MUC17: variants seen among roughly 807,000 people sequenced by gnomAD.
MUC17 encodes the protein mucin 17, cell surface associated.
MUC17 carries 190 observed loss-of-function variants against 170.3 expected under a neutral mutation model. The observed-to-expected ratio is 1.12, with a 90% CI of 0.99 to 1.26. The LOEUF (loss-of-function observed/expected upper bound fraction) is 1.26. Ranked by LOEUF, MUC17 falls within the 50% of genes most tolerant of loss-of-function variation. The pLI, the probability that MUC17 is intolerant of heterozygous loss-of-function variation, is 0.00. For missense variants in MUC17, 6,415 were observed against 5,530.0 expected (o/e 1.16, Z -5.08); for synonymous variants, 2,325 against 2,002.5 (o/e 1.16, Z -4.30).
At position 101,041,290 on chromosome 7, in the gene MUC17, A is replaced by C. The variant is rs148464170; in HGVS notation, c.9874A>C (p.Thr3292Pro). Residue 3292 changes from threonine (T) to proline (P), a missense_variant, in exon 3 of 13, where the codon ACG becomes CCG. Thr to Pro is a conservative substitution (Grantham distance 38). Transcript: ENST00000306151. ...PLTSMPVSTT[T>P]VASSETSTLS... ...AACAAGTATGCCTGTCAGCACCACA[A>C]CGGTGGCCAGTTCTGAAACGAGCAC... 1.1e-3 allele frequency: 1,657 copies of C among 1,568,868 alleles called. 5 individuals are homozygous for C. In the African/African-American group the frequency reaches 0.02, roughly 19 times the overall value.
intron 1 of MUC17, among the ~76,000 whole-genome samples, chr7:101,024,459 A>G (rs1012287720): frequency 4.6e-5 from 7 of 151,838 alleles, no homozygotes; most frequent in African/African-American, 1.7e-4. Context: ...CAAGGGAGGA[A>G]ACAAGTGAGG....
intron 1 of MUC17, among the ~76,000 whole-genome samples, chr7:101,029,437 T>C (rs1794238593): frequency 6.6e-6 from 1 of 152,146 alleles, no homozygotes; most frequent in South Asian, 2.1e-4. Flanking sequence ...TTCTTATGTC[T>C]GTGTCCATTC....
rs1794975528 is a variant in MUC17 at position 101,052,927 on chromosome 7, C to T, written c.13104-59C>T. ...AACACCCACTGGGCAGGGCCCAGGT[C>T]TGAAGCTGGTGCTGACTCCGTTCTC... is the stretch of plus-strand genomic sequence containing the variant. On this transcript the variant is annotated intron_variant, in intron 9 of 12. Coordinates refer to ENST00000306151, the MANE Select transcript of MUC17 (RefSeq NM_001040105.2). The T allele has an allele frequency of 2.5e-6, 4 of 1,571,494 alleles. No individual in the cohort carries two copies. In the African/African-American group the frequency reaches 5.4e-5, roughly 21 times the overall value.
At chr7:101,050,143 C>G (rs939491473) in intron 6 of MUC17, among the ~76,000 whole-genome samples, 1 of 152,118 alleles carries the variant, frequency 6.6e-6, no homozygotes, top group African/African-American at 2.4e-5. Flanking sequence ...ACAAAAAACC[C>G]AAAAACCTCA....
chr7:101,035,537 C>G lies in MUC17; in HGVS notation c.4121C>G (p.Ala1374Gly), dbSNP rs978847737. The G allele has an allele frequency of 6.3e-7, 1 of 1,596,144 alleles. No individual in the cohort carries two copies. Among genetic ancestry groups the G allele is most frequent in the Non-Finnish European group, 8.6e-7 (1 of 1,169,232 alleles). The change falls in exon 3 of 13, where the codon GCC (alanine) becomes GGC (glycine). Residue 1374 changes from alanine (A) to glycine (G), a missense_variant. Ala to Gly is a moderately conservative substitution (Grantham distance 60). Transcript: ENST00000306151. ...ACACCTGTGACCACTTCTACTGAAG[C>G]CTGTTCATCTCCTACAACTTCTGAA... Reference protein sequence around the residue: ...NSTPVTTSTEACSSPTTSEGT... With the variant: ...NSTPVTTSTEGCSSPTTSEGT...
In MUC17 at chr7:101,040,845, T is replaced by C. The variant is rs751104432; in HGVS notation, c.9429T>C (p.His3143=). 1.9e-6 allele frequency: 3 copies of C among 1,613,592 alleles called. No homozygotes were observed. The highest frequency in any genetic ancestry group is 1.1e-5 in the South Asian group (1 of 91,052). Residue 3143 remains histidine (H), a synonymous_variant, in exon 3 of 13, where the codon CAT becomes CAC. Coordinates refer to ENST00000306151, the MANE Select transcript of MUC17 (RefSeq NM_001040105.2). ...CTGTGACCACTTCTACTGAAGCCCA[T>C]TCATCTCCTACAACTTCTGAAGGTA... ...STPVTTSTEA[H]SSPTTSEGTS... is the part of the protein sequence containing the mutation.
Position 101,034,876 on chromosome 7 carries a change from C to T in MUC17, c.3460C>T (p.Pro1154Ser), listed in dbSNP as rs201691077. The T allele has an allele frequency of 1.2e-5, 20 of 1,609,390 alleles. No individual in the cohort carries two copies. The highest frequency in any genetic ancestry group is 1.6e-5 in the Non-Finnish European group (19 of 1,178,586). ...TGAAGGTACCAGCATACCAACCTCA[C>T]CTCCCAGTGAAGGAACCACTCCGTT... Reference protein sequence around the residue: ...TAEGTSIPTSPPSEGTTPLAS... With the variant: ...TAEGTSIPTSSPSEGTTPLAS... Residue 1154 changes from proline (P) to serine (S), a missense_variant, in exon 3 of 13, where the codon CCT becomes TCT. Coordinates refer to ENST00000306151, the MANE Select transcript of MUC17 (RefSeq NM_001040105.2).
At chr7:101,021,289 G>A (rs1412926608) in intron 1 of MUC17, among the ~76,000 whole-genome samples, 1 of 148,712 alleles carries the variant, frequency 6.7e-6, no homozygotes, top group Admixed American at 6.8e-5. Context: ...GGGTTCAAGC[G>A]ATTCTCCCGC....
chr7:101,035,804 G>T lies in MUC17; in HGVS notation c.4388G>T (p.Ser1463Ile). Residue 1463 changes from serine (S) to isoleucine (I), a missense_variant, in exon 3 of 13, where the codon AGC becomes ATC. Physicochemically the swap from Ser to Ile is moderately radical, Grantham distance 142. Transcript: ENST00000306151. ...ACTCCATTAAAAAGTATACCTGTCA[G>T]CAACACGCCGGTGGCCAATTCTGAG... ...GKTPLKSIPV[S>I]NTPVANSEAS... 1.2e-6 allele frequency: 2 copies of T among 1,604,700 alleles called. No homozygotes were observed. The highest frequency in any genetic ancestry group is 3.4e-5 in the Admixed American group (2 of 59,360).
At position 101,035,849 on chromosome 7, in the gene MUC17, C is replaced by G. The variant is rs752496113; in HGVS notation, c.4433C>G (p.Thr1478Ser). 5.6e-6 allele frequency: 9 copies of G among 1,599,622 alleles called. No individual in the cohort carries two copies. The Middle Eastern group carries it at 1.5e-3, about 268-fold the overall frequency. The change falls in exon 3 of 13, where the codon ACT (threonine) becomes AGT (serine). Residue 1478 changes from threonine (T) to serine (S), a missense_variant. Physicochemically the swap from Thr to Ser is moderately conservative, Grantham distance 58 (BLOSUM62 1). Transcript: ENST00000306151. Reference sequence around the variant, plus strand: ...TCTGAGGCTAGCACCCTTTCAACAACTCCTGTTGACTCTAACAGTCCTGTG... The same window carrying G: ...TCTGAGGCTAGCACCCTTTCAACAAGTCCTGTTGACTCTAACAGTCCTGTG... ...ANSEASTLST[T>S]PVDSNSPVVT... is the part of the protein sequence containing the mutation.
rs779047264 is a variant in MUC17, at chr7:101,042,052, A to G, written c.10636A>G (p.Thr3546Ala). The G allele has an allele frequency of 1.2e-5, 20 of 1,613,636 alleles. No individual in the cohort carries two copies. In the African/African-American group the frequency reaches 2.3e-4, roughly 18 times the overall value. ...TLSTTPVDSNTFVTSSSQASS... is the reference protein window; with the variant it reads ...TLSTTPVDSNAFVTSSSQASS... ...TTCAACAACTCCTGTTGACTCCAAC[A>G]CTTTTGTTACCAGTTCTAGTCAAGC... The change falls in exon 3 of 13, where the codon ACT (threonine) becomes GCT (alanine). Residue 3546 changes from threonine to alanine, a missense_variant. Coordinates refer to ENST00000306151, the MANE Select transcript of MUC17 (RefSeq NM_001040105.2).
At chr7:101,056,313 CG>C in intron 12 of MUC17, 43 bp downstream of exon 12, 2 of 1,607,050 alleles carry the variant, frequency 1.2e-6, no homozygotes, top group Non-Finnish European at 1.7e-6. Flanking sequence ...CCCAACCCTG[CG>C]ACTTTCTTCT....
In MUC17 at chr7:101,036,046, C is replaced by A. The variant is rs1196130364; in HGVS notation, c.4630C>A (p.Pro1544Thr). The stretch of plus-strand genomic sequence containing the variant: ...AACAACTCCTGCTGTCACCAGCACA[C>A]CTGTGACCACTTATTCTCAAGCCAG... ...LSTTPAVTST[P>T]VTTYSQASSS... is the part of the protein sequence containing the mutation. Residue 1544 changes from proline to threonine, a missense_variant, in exon 3 of 13, where the codon CCT (proline) becomes ACT (threonine). Physicochemically the swap from Pro to Thr is conservative, Grantham distance 38. Coordinates refer to ENST00000306151, the MANE Select transcript of MUC17 (RefSeq NM_001040105.2). 6.3e-7 allele frequency: 1 copy of A among 1,599,388 alleles called. No homozygotes were observed. Among genetic ancestry groups the A allele is most frequent in the Non-Finnish European group, 8.5e-7 (1 of 1,175,978 alleles).
chr7:101,025,726 G>A (rs1306681075), intron 1 of MUC17, among the ~76,000 whole-genome samples: 1 of 151,764 alleles, frequency 6.6e-6, no homozygotes, highest in African/African-American at 2.4e-5. Context: ...CCTGGGAGGT[G>A]GAGGTTGCAG....
intron 1 of MUC17, among the ~76,000 whole-genome samples, chr7:101,023,475 C>T (rs1448275565): frequency 6.6e-6 from 1 of 152,202 alleles, no homozygotes; most frequent in African/African-American, 2.4e-5. Flanking sequence ...CAACCTCTGC[C>T]TCCCAGGTTC....
chr7:101,025,394 G>A (rs2116390864), intron 1 of MUC17, among the ~76,000 whole-genome samples: 1 of 151,628 alleles, frequency 6.6e-6, no homozygotes, highest in South Asian at 2.1e-4. Context: ...TTGGCATGGT[G>A]GCTTACACCT....
intron 1 of MUC17, among the ~76,000 whole-genome samples, chr7:101,029,953 T>C (rs1349875376): frequency 2.6e-5 from 4 of 152,172 alleles, no homozygotes; most frequent in African/African-American, 9.7e-5. Context: ...GACTGTACAT[T>C]GTATTTTCTA....
At position 101,033,773 on chromosome 7, in the gene MUC17, G is replaced by T. The variant is rs755618236; in HGVS notation, c.2357G>T (p.Cys786Phe). 1.2e-6 allele frequency: 2 copies of T among 1,610,074 alleles called. No individual in the cohort carries two copies. Among genetic ancestry groups the T allele is most frequent in the Admixed American group, 3.3e-5 (2 of 59,706 alleles). ...THITTSTEAS[C>F]SPTTTEGTSM... is the part of the protein sequence containing the mutation. ...ATCACCACTTCTACTGAAGCCAGTT[G>T]CTCTCCTACAACCACTGAAGGTACC... The change falls in exon 3 of 13, where the codon TGC becomes TTC. Residue 786 changes from cysteine (C) to phenylalanine (F), a missense_variant. Coordinates refer to ENST00000306151, the MANE Select transcript of MUC17 (RefSeq NM_001040105.2).
At chr7:101,020,321 G>A in intron 1 of MUC17, 104 bp downstream of exon 1, 1 of 917,324 alleles carries the variant, frequency 1.1e-6, no homozygotes, top group Non-Finnish European at 1.6e-6. Context: ...GACACCAATA[G>A]GGGTGTGCCC....
Sources: allele counts gnomAD v4.1 joint callset (sites outside exome capture counted in the v4.1 genomes callset), GRCh38; gene constraint gnomAD v4.1.1; transcripts MANE v1.5; gene names NCBI Gene and HGNC (gene_info 2026-07-23, HGNC 2026-07-21).